Variants in SLC25A26 observed in about 807,000 individuals in gnomAD.
SLC25A26 encodes solute carrier family 25 member 26, also known as mitochondrial S-adenosylmethionine carrier protein.
In SLC25A26, 36 loss-of-function variants were observed where a neutral mutation model predicts 37.8. That is an observed-to-expected ratio of 0.95 (90% CI 0.73 to 1.26). The LOEUF is 1.26. Among genes scored for constraint, SLC25A26 ranks in the 50% most tolerant of loss-of-function variants. The pLI is 0.00. For synonymous variants in SLC25A26, 129 were observed against 122.5 expected, an observed-to-expected ratio of 1.05 and a Z score of -0.35; for missense variants, 390 against 331.1, an observed-to-expected ratio of 1.18 and a Z score of -1.38.
At chr3:66,232,568 G>A (rs1007074565) in intron 1 of SLC25A26, among the ~76,000 whole-genome samples, 1 of 152,216 alleles carries the variant, frequency 6.6e-6, no homozygotes, top group East Asian at 1.9e-4. Context: ...ATTGTGTTCA[G>A]TGCTTGGAAA....
chr3:66,150,601 GAGAT>G (rs2070188826), intron 1 of SLC25A26, among the ~76,000 whole-genome samples: 9 of 40,836 alleles, frequency 2.2e-4, no homozygotes, highest in African/African-American at 5.5e-4. Context: ...TATATGTAAT[GAGAT>G]ATATATATAT....
At chr3:66,162,866 C>T (rs1467445859) in intron 1 of SLC25A26, among the ~76,000 whole-genome samples, 1 of 152,210 alleles carries the variant, frequency 6.6e-6, no homozygotes, top group Non-Finnish European at 1.5e-5. Flanking sequence ...ATTTCATCCT[C>T]ACAAATTAAC....
chr3:66,264,292 A>G (rs150346254), intron 5 of SLC25A26, among the ~76,000 whole-genome samples: 2 of 152,104 alleles, frequency 1.3e-5, no homozygotes, highest in African/African-American at 4.8e-5. Context: ...AAAAAAAGAA[A>G]TAACTACTAA....
chr3:66,243,547 A>T (rs1468988246), intron 3 of SLC25A26, among the ~76,000 whole-genome samples: 1 of 152,258 alleles, frequency 6.6e-6, no homozygotes, highest in African/African-American at 2.4e-5. Context: ...CAAGAGACAG[A>T]TGTAAAACAT....
rs139825887 is a variant in SLC25A26 at position 66,305,815 on chromosome 3, C to A, written c.454-40549C>A. ...TGATTTATATTCCTTTGAGCATATA[C>A]CCTGTAATGGGATTGCTGGGTCAAA... is the stretch of plus-strand genomic sequence containing the variant. On this transcript the variant is annotated intron_variant, in intron 5 of 9. Coordinates refer to ENST00000354883, the MANE Select transcript of SLC25A26 (RefSeq NM_001379210.1). 3.9e-5 allele frequency among the ~76,000 whole-genome samples: 6 copies of A among 152,164 alleles called. No homozygotes were observed. The East Asian group carries it at 9.7e-4, about 24-fold the overall frequency.
intron 1 of SLC25A26, among the ~76,000 whole-genome samples, chr3:66,156,955 G>A (rs1421214456): frequency 6.6e-6 from 1 of 152,136 alleles, no homozygotes; most frequent in South Asian, 2.1e-4. Flanking sequence ...ACAACTGGCC[G>A]GGCATGGTAG....
At chr3:66,323,559 A>G (rs1201370302) in intron 5 of SLC25A26, among the ~76,000 whole-genome samples, 1 of 152,200 alleles carries the variant, frequency 6.6e-6, no homozygotes, top group Non-Finnish European at 1.5e-5. Flanking sequence ...TAATCCCAGC[A>G]CTTTGAGAGG....
At chr3:66,175,107 G>GTATATATA (rs1201695553) in intron 1 of SLC25A26, among the ~76,000 whole-genome samples, 2,380 of 77,962 alleles carry the variant, frequency 0.031, 32 homozygotes, top group Non-Finnish European at 0.04. Flanking sequence ...ATATGTGTGT[G>GTATATATA]TGTATATATA....
In SLC25A26 at chr3:66,377,828, C is replaced by T. The variant is rs1700765197; in HGVS notation, c.*21C>T. The stretch of plus-strand genomic sequence containing the variant: ...CTTGAAGCAGAGACAAGCCTCACCT[C>T]CACTTCTGTCAAGAGAGGGGCCTGC... On this transcript the variant is annotated 3_prime_UTR_variant, in exon 10 of 10. Coordinates refer to ENST00000354883, the MANE Select transcript of SLC25A26 (RefSeq NM_001379210.1). 1.3e-6 allele frequency: 2 copies of T among 1,576,390 alleles called. No homozygotes were observed. Among genetic ancestry groups the T allele is most frequent in the South Asian group, 1.1e-5 (1 of 90,326 alleles).
At chr3:66,280,503 T>C (rs1299419101) in intron 5 of SLC25A26, among the ~76,000 whole-genome samples, 1 of 152,182 alleles carries the variant, frequency 6.6e-6, no homozygotes, top group Non-Finnish European at 1.5e-5. Flanking sequence ...CCTTTGGTGG[T>C]GTAACTTGAT....
intron 1 of SLC25A26, among the ~76,000 whole-genome samples, chr3:66,233,710 C>T (rs1189255088): frequency 6.6e-6 from 1 of 151,442 alleles, no homozygotes; most frequent in African/African-American, 2.4e-5. Flanking sequence ...TCTTTTTTTT[C>T]AGTCGCATGA....
chr3:66,307,625 T>C (rs1241959101), intron 5 of SLC25A26, among the ~76,000 whole-genome samples: 2 of 152,222 alleles, frequency 1.3e-5, no homozygotes, highest in Non-Finnish European at 2.9e-5. Context: ...TCTATGGTTT[T>C]TATGGTTTTA....
At chr3:66,331,150 G>C (rs993487472) in intron 5 of SLC25A26, among the ~76,000 whole-genome samples, 4 of 151,576 alleles carry the variant, frequency 2.6e-5, no homozygotes, top group African/African-American at 4.8e-5. Flanking sequence ...GGGTTTTCTA[G>C]GGCAAAAGTA....
At chr3:66,255,991 C>T (rs2073285935) in intron 3 of SLC25A26, among the ~76,000 whole-genome samples, 1 of 152,114 alleles carries the variant, frequency 6.6e-6, no homozygotes, top group Non-Finnish European at 1.5e-5. Flanking sequence ...GAACTAAAAA[C>T]ACAATAGTAA....
At chr3:66,350,400 G>A (rs555986321) in intron 6 of SLC25A26, among the ~76,000 whole-genome samples, 2 of 152,160 alleles carry the variant, frequency 1.3e-5, no homozygotes, top group South Asian at 4.1e-4. Flanking sequence ...TTCCCTTCTT[G>A]CTCTTTCTCT....
At chr3:66,237,223 A>G (rs149075811) in intron 2 of SLC25A26, among the ~76,000 whole-genome samples, 3,572 of 152,346 alleles carry the variant, frequency 0.023, 143 homozygotes, top group African/African-American at 0.082. Flanking sequence ...CAATCTTTTA[A>G]AAATTGTTTC....
chr3:66,329,819 T>A (rs79307195), intron 5 of SLC25A26, among the ~76,000 whole-genome samples: 1 of 152,176 alleles, frequency 6.6e-6, no homozygotes, highest in Admixed American at 6.6e-5. Flanking sequence ...TGCCTCAGAC[T>A]CCCAATGTGC....
rs3772197 is a variant in SLC25A26 at position 66,243,264 on chromosome 3, A to G, written c.252A>G (p.Ser84=). 0.073 allele frequency: 116,771 copies of G among 1,608,356 alleles called. 4,573 individuals are homozygous for G. Among genetic ancestry groups the G allele is most frequent in the South Asian group, 0.086 (7,787 of 90,274 alleles). The change falls in exon 3 of 10, where the codon TCA becomes TCG. Residue 84 remains serine (S), a synonymous_variant. Transcript: ENST00000354883. ...GGTTTTTGCATGCTGATTCATCTTC[A>G]TATTTGACACCTATGAAACATATGT... is the stretch of plus-strand genomic sequence containing the variant. ...VKWFLHADSS[S]YLTPMKHMLA... is the part of the protein sequence containing the mutation.
At chr3:66,311,927 G>A (rs1350956322) in intron 5 of SLC25A26, among the ~76,000 whole-genome samples, 2 of 152,076 alleles carry the variant, frequency 1.3e-5, no homozygotes, top group Non-Finnish European at 2.9e-5. Context: ...GGTGTCTGTT[G>A]AACCCTCCTG....
Sources: allele counts gnomAD v4.1 joint callset (sites outside exome capture counted in the v4.1 genomes callset), GRCh38; gene constraint gnomAD v4.1.1; transcripts MANE v1.5; gene names NCBI Gene and HGNC (gene_info 2026-07-23, HGNC 2026-07-21).